The following CDH18 variants were observed in gnomAD, a reference collection of about 807,000 sequenced individuals.
The protein encoded by CDH18 is cadherin-18.
A neutral mutation model predicts 67.9 loss-of-function variants in CDH18; 31 were observed. That is an observed-to-expected ratio of 0.46 (90% confidence interval 0.34 to 0.62). CDH18 has a LOEUF of 0.62. CDH18 is among the 20% of genes least tolerant of loss of function. CDH18 has a pLI of 0.01. For missense variants in CDH18, 890 were observed against 975.5 expected (o/e 0.91, Z 1.17); for synonymous variants, 362 against 347.2 (o/e 1.04, Z -0.48).
At chr5:19,940,143 C>T (rs899803276) in intron 2 of CDH18, among the ~76,000 whole-genome samples, 1 of 151,600 alleles carries the variant, frequency 6.6e-6, no homozygotes, top group African/African-American at 2.4e-5. Context: ...AAAAGAAAGC[C>T]TCATAACAGA....
At chr5:19,931,158 TA>T (rs558364726) in intron 2 of CDH18, among the ~76,000 whole-genome samples, 146 of 152,136 alleles carry the variant, frequency 9.6e-4, no homozygotes, top group African/African-American at 3.3e-3. Context: ...TATTTAAGAA[TA>T]TCATAACCCT....
chr5:19,618,621 C>T (rs1376886058), intron 5 of CDH18, among the ~76,000 whole-genome samples: 4 of 152,188 alleles, frequency 2.6e-5, no homozygotes, highest in African/African-American at 9.7e-5. Flanking sequence ...ATGTGGACCA[C>T]TTAATAACTA....
At chr5:20,210,318 A>G (rs1414007745) in intron 2 of CDH18, among the ~76,000 whole-genome samples, 1 of 151,934 alleles carries the variant, frequency 6.6e-6, no homozygotes, top group Non-Finnish European at 1.5e-5. Context: ...AGTGAACAGA[A>G]AGCCAAAGAG....
intron 3 of CDH18, among the ~76,000 whole-genome samples, chr5:19,750,283 A>G (rs2149665474): frequency 6.6e-6 from 1 of 152,244 alleles, no homozygotes; most frequent in Admixed American, 6.5e-5. Context: ...TTCTGTTTGC[A>G]ATATACACTT....
rs375118197 is a variant in CDH18 at position 20,269,346 on chromosome 5, C to T, written c.-579-13841G>A. Among the ~76,000 whole-genome samples the T allele has an allele frequency of 2.0e-5, 3 of 151,306 alleles. No homozygotes were observed. The South Asian group carries it at 6.3e-4, about 32-fold the overall frequency. On this transcript the variant is annotated intron_variant, in intron 1 of 14. Coordinates refer to the CDH18 transcript ENST00000507958. ...ATTTATCAAAGAACTAAAAATAGAA[C>T]TGCAATTCGATCTAGCACTCCCACC...
rs76883483 is a variant in CDH18, at chr5:20,381,691, T to C, written c.-579-126186A>G. On this transcript the variant is annotated intron_variant, in intron 1 of 14. Transcript: ENST00000507958. Reference sequence around the variant, plus strand: ...AATAAGTAAATAAAATAAATGAGAGTCTCCAGAGAGAAGAATATCTACAAG... The same window carrying C: ...AATAAGTAAATAAAATAAATGAGAGCCTCCAGAGAGAAGAATATCTACAAG... 5.2e-3 allele frequency among the ~76,000 whole-genome samples: 795 copies of C among 151,836 alleles called. 5 individuals are homozygous for C. Among genetic ancestry groups the C allele is most frequent in the South Asian group, 0.027 (128 of 4,822 alleles).
At chr5:19,848,517 A>T (rs1467287594) in intron 2 of CDH18, among the ~76,000 whole-genome samples, 1 of 152,118 alleles carries the variant, frequency 6.6e-6, no homozygotes, top group East Asian at 1.9e-4. Flanking sequence ...TCTCCATGGG[A>T]TGTAAGAAGA....
At chr5:19,779,883 T>A (rs1774896528) in intron 3 of CDH18, among the ~76,000 whole-genome samples, 1 of 152,148 alleles carries the variant, frequency 6.6e-6, no homozygotes, top group African/African-American at 2.4e-5. Flanking sequence ...TCATTTGGCC[T>A]CAAAATAAGA....
At chr5:20,560,551 C>T (rs562000052) in intron 1 of CDH18, among the ~76,000 whole-genome samples, 2 of 149,156 alleles carry the variant, frequency 1.3e-5, no homozygotes, top group Middle Eastern at 3.5e-3. Context: ...AAAGGTAATT[C>T]AAGAGCAGAG....
At chr5:19,625,955 C>A (rs1751477414) in intron 5 of CDH18, among the ~76,000 whole-genome samples, 1 of 152,096 alleles carries the variant, frequency 6.6e-6, no homozygotes, top group East Asian at 1.9e-4. Flanking sequence ...CCTTGTGTTA[C>A]TCACCCTTAA....
chr5:19,964,663 A>G (rs1433387497), intron 2 of CDH18, among the ~76,000 whole-genome samples: 3 of 149,826 alleles, frequency 2.0e-5, no homozygotes, highest in Non-Finnish European at 4.4e-5. Flanking sequence ...AAAAAAAAAG[A>G]AAAAAAAAGA....
At chr5:19,822,342 CCAA>C (rs1779956793) in intron 3 of CDH18, among the ~76,000 whole-genome samples, 1 of 152,042 alleles carries the variant, frequency 6.6e-6, no homozygotes, top group Non-Finnish European at 1.5e-5. Context: ...GCAGATTAAA[CCAA>C]CAACAATAAG....
intron 1 of CDH18, among the ~76,000 whole-genome samples, chr5:20,574,197 AAT>A (rs1002252646): frequency 1.3e-5 from 2 of 151,806 alleles, no homozygotes; most frequent in African/African-American, 2.4e-5. Flanking sequence ...AACGTCATAA[AAT>A]AGTGTTTTTT....
At chr5:19,524,808 C>A (rs954365255) in intron 9 of CDH18, among the ~76,000 whole-genome samples, 1 of 152,014 alleles carries the variant, frequency 6.6e-6, no homozygotes, top group African/African-American at 2.4e-5. Flanking sequence ...TGCAGTGGCG[C>A]GATCTCCGCT....
At chr5:20,431,211 C>T (rs1372600431) in intron 1 of CDH18, among the ~76,000 whole-genome samples, 4 of 152,048 alleles carry the variant, frequency 2.6e-5, no homozygotes, top group Non-Finnish European at 5.9e-5. Flanking sequence ...GCCTCAGATG[C>T]CGGGTGCAGT....
Position 20,304,783 on chromosome 5 carries a change from G to A in CDH18, c.-579-49278C>T, listed in dbSNP as rs1736273913. The A allele has an allele frequency of 5.6e-6, 9 of 1,610,540 alleles. 1 individual carries two copies. The highest frequency in any genetic ancestry group is 1.1e-5 in the South Asian group (1 of 90,944). ...CTGTAATTTTGTTGAGCCAACAAGG[G>A]AAGGAGACCGTGTTTCAGCCGCAGC... is the stretch of plus-strand genomic sequence containing the variant. On this transcript the variant is annotated intron_variant, in intron 1 of 14. Transcript: ENST00000507958.
In CDH18 at chr5:19,530,882, C is replaced by T. The variant is rs550044625; in HGVS notation, c.1391-10104G>A. On this transcript the variant is annotated intron_variant, in intron 9 of 12. Transcript: ENST00000382275. The stretch of plus-strand genomic sequence containing the variant: ...AAGTCTTTGCTGTTGTGAATAGTGC[C>T]GCAATATACCCTTGCGCTTCTCGAG... Among the ~76,000 whole-genome samples the T allele has an allele frequency of 1.0e-4, 11 of 107,302 alleles. No homozygotes were observed. The South Asian group carries it at 1.3e-3, about 13-fold the overall frequency. The allele number at this position is 107,302 out of a possible 152,430, so 70.4% of individuals were successfully genotyped here.
intron 7 of CDH18, among the ~76,000 whole-genome samples, chr5:19,579,920 T>C (rs1309146854): frequency 2.6e-5 from 4 of 151,722 alleles, no homozygotes; most frequent in Non-Finnish European, 5.9e-5. Flanking sequence ...GAAATATAAT[T>C]ATTTATTGTT....
chr5:20,011,299 G>T (rs1737416366), intron 2 of CDH18, among the ~76,000 whole-genome samples: 1 of 152,126 alleles, frequency 6.6e-6, no homozygotes, highest in Non-Finnish European at 1.5e-5. Context: ...TTTGCACATT[G>T]ATTTTATATC....
Sources: gnomAD v4.1 joint callset for allele counts (sites outside exome capture counted in the v4.1 genomes callset) on GRCh38, gnomAD v4.1.1 for gene constraint, MANE v1.5 for transcripts, NCBI Gene and HGNC (gene_info 2026-07-23, HGNC 2026-07-21) for gene names.